Variants in ADAMTS6 observed in about 807,000 individuals in gnomAD.
ADAMTS6 encodes the protein A disintegrin and metalloproteinase with thrombospondin motifs 6.
In ADAMTS6, 23 loss-of-function variants were observed where a neutral mutation model predicts 144.3. The ratio of observed to expected loss-of-function variants is 0.16; its 90% CI spans 0.11 to 0.23. The LOEUF is 0.23. Among genes scored for constraint, ADAMTS6 ranks in the 10% least tolerant of loss-of-function variants. ADAMTS6 has a pLI of 1.00. For missense variants in ADAMTS6, 999 were observed against 1,379.6 expected, an observed-to-expected ratio of 0.72 and a Z score of 4.37; for synonymous variants, 444 against 457.5, an observed-to-expected ratio of 0.97 and a Z score of 0.38.
chr5:65,481,116 A>G (rs1761167512), intron 1 of ADAMTS6, among the ~76,000 whole-genome samples: 1 of 152,100 alleles, frequency 6.6e-6, no homozygotes, highest in East Asian at 1.9e-4. Flanking sequence ...TTGCATCATA[A>G]AATAACTGCA....
At chr5:65,236,662 TAAAAC>T (rs1325682406) in intron 15 of ADAMTS6, among the ~76,000 whole-genome samples, 2 of 152,140 alleles carry the variant, frequency 1.3e-5, no homozygotes, top group African/African-American at 4.8e-5. Flanking sequence ...ATTTGGAAAT[TAAAAC>T]AAAACAGTTC....
chr5:65,361,256 CAG>C (rs1282718137), intron 7 of ADAMTS6, among the ~76,000 whole-genome samples: 3 of 152,144 alleles, frequency 2.0e-5, no homozygotes, highest in Non-Finnish European at 4.4e-5. Flanking sequence ...TCTAAATTTA[CAG>C]TGAATTTACA....
chr5:65,389,613 A>G (rs1357664160), intron 7 of ADAMTS6, among the ~76,000 whole-genome samples: 2 of 151,708 alleles, frequency 1.3e-5, no homozygotes, highest in Admixed American at 1.3e-4. Context: ...CTGTGATACT[A>G]GATACATAGT....
At chr5:65,358,395 A>G (rs77830167) in intron 7 of ADAMTS6, among the ~76,000 whole-genome samples, 4,309 of 152,088 alleles carry the variant, frequency 0.028, 198 homozygotes, top group African/African-American at 0.098. Context: ...TTTTTCCTCT[A>G]AGATCAGGAA....
At chr5:65,348,154 T>A (rs1297256613) in intron 7 of ADAMTS6, among the ~76,000 whole-genome samples, 2 of 152,082 alleles carry the variant, frequency 1.3e-5, no homozygotes, top group Admixed American at 6.6e-5. Context: ...GATCCAGCTA[T>A]CCCATTTATG....
intron 24 of ADAMTS6, among the ~76,000 whole-genome samples, chr5:65,157,628 C>G (rs1158352960): frequency 6.6e-6 from 1 of 152,198 alleles, no homozygotes; most frequent in African/African-American, 2.4e-5. Flanking sequence ...ACCTAAAGGT[C>G]TATCTTTTGG....
intron 11 of ADAMTS6, among the ~76,000 whole-genome samples, chr5:65,283,913 C>G (rs897310097): frequency 1.3e-5 from 2 of 152,104 alleles, no homozygotes; most frequent in Non-Finnish European, 2.9e-5. Context: ...TGTTCCAAAA[C>G]CAGAAAATGG....
At chr5:65,320,782 T>A (rs1745540292) in intron 9 of ADAMTS6, among the ~76,000 whole-genome samples, 2 of 152,314 alleles carry the variant, frequency 1.3e-5, no homozygotes, top group Admixed American at 1.3e-4. Context: ...CTCCCACTTA[T>A]AAATGAGAAC....
chr5:65,302,036 A>G (rs1415080629), intron 9 of ADAMTS6, among the ~76,000 whole-genome samples: 1 of 148,548 alleles, frequency 6.7e-6, no homozygotes, highest in Non-Finnish European at 1.5e-5. Context: ...AAGTTGCAGT[A>G]AGCTGAGACC....
chr5:65,396,479 T>C (rs1159293962), intron 7 of ADAMTS6, among the ~76,000 whole-genome samples: 2 of 152,232 alleles, frequency 1.3e-5, no homozygotes, highest in Non-Finnish European at 2.9e-5. Flanking sequence ...TCCTGGTTAC[T>C]CTTAATCTAA....
At chr5:65,398,659 C>G (rs541610229) in intron 7 of ADAMTS6, among the ~76,000 whole-genome samples, 1 of 151,412 alleles carries the variant, frequency 6.6e-6, no homozygotes, top group Non-Finnish European at 1.5e-5. Flanking sequence ...TTGCAGTGAG[C>G]TGAGATTGCA....
At chr5:65,293,989 A>G (rs527323411) in intron 10 of ADAMTS6, among the ~76,000 whole-genome samples, 1 of 152,332 alleles carries the variant, frequency 6.6e-6, no homozygotes, top group South Asian at 2.1e-4. Flanking sequence ...TAAACAAAGG[A>G]CTTTTGAAAT....
intron 14 of ADAMTS6, among the ~76,000 whole-genome samples, chr5:65,247,289 A>G (rs1264613675): frequency 1.3e-5 from 2 of 152,218 alleles, no homozygotes; most frequent in African/African-American, 4.8e-5. Context: ...TCTTCCAACT[A>G]TCTTGTTTAG....
chr5:65,160,821 T>A (rs1402901663), intron 24 of ADAMTS6, among the ~76,000 whole-genome samples: 2 of 151,438 alleles, frequency 1.3e-5, no homozygotes, highest in Non-Finnish European at 2.9e-5. Flanking sequence ...CCCGGATAAT[T>A]TTGTATTTTT....
intron 7 of ADAMTS6, among the ~76,000 whole-genome samples, chr5:65,437,834 T>C (rs1055308416): frequency 6.6e-6 from 1 of 152,192 alleles, no homozygotes; most frequent in African/African-American, 2.4e-5. Context: ...TGCGGGTTTT[T>C]CCATGGAATA....
At chr5:65,427,794 T>A (rs1756667411) in intron 7 of ADAMTS6, among the ~76,000 whole-genome samples, 1 of 137,426 alleles carries the variant, frequency 7.3e-6, no homozygotes, top group Non-Finnish European at 1.6e-5. Flanking sequence ...CAAGACTCGG[T>A]CTCAAAAAAA....
At chr5:65,444,108 C>T (rs1201782477) in intron 7 of ADAMTS6, among the ~76,000 whole-genome samples, 6 of 151,984 alleles carry the variant, frequency 3.9e-5, no homozygotes, top group Admixed American at 3.9e-4. Flanking sequence ...CTATTAAAAC[C>T]AGTCCAGGCT....
chr5:65,265,992 G>T (rs1761594682), intron 12 of ADAMTS6, among the ~76,000 whole-genome samples: 1 of 148,332 alleles, frequency 6.7e-6, no homozygotes, highest in Admixed American at 6.8e-5. Context: ...TAATACTAGA[G>T]TTTTTTTTTT....
At chr5:65,379,283 C>T (rs1751826418) in intron 7 of ADAMTS6, among the ~76,000 whole-genome samples, 1 of 152,114 alleles carries the variant, frequency 6.6e-6, no homozygotes, top group South Asian at 2.1e-4. Context: ...AAGTCTTTAA[C>T]CTTTGAATAT....
Sources: gnomAD v4.1 joint callset for allele counts (sites outside exome capture counted in the v4.1 genomes callset) on GRCh38, gnomAD v4.1.1 for gene constraint, MANE v1.5 for transcripts, NCBI Gene and HGNC (gene_info 2026-07-23, HGNC 2026-07-21) for gene names.